The following EBF1 variants were observed in gnomAD, a reference collection of about 807,000 sequenced individuals.
EBF1 encodes transcription factor COE1.
Under a neutral mutation model 68.4 loss-of-function variants are expected in EBF1, and 10 were observed. That is an observed-to-expected ratio of 0.15 (90% CI 0.09 to 0.25). EBF1 has a LOEUF of 0.25. EBF1 is among the 10% of genes least tolerant of loss of function. The probability of loss-of-function intolerance (pLI) is 1.00; values close to 1 mark genes in which losing one functional copy is unlikely to be tolerated. For missense variants in EBF1, 509 were observed against 794.4 expected (o/e 0.64, Z 4.32); for synonymous variants, 298 against 299.8 (o/e 0.99, Z 0.06).
At chr5:158,761,611 T>A (rs974301559) in intron 10 of EBF1, among the ~76,000 whole-genome samples, 3 of 152,210 alleles carry the variant, frequency 2.0e-5, no homozygotes, top group African/African-American at 7.2e-5. Context: ...TCATTTCTTT[T>A]TAATGCTACC....
chr5:158,777,991 ATGAAGTACCCC>A (rs962123067), intron 9 of EBF1, among the ~76,000 whole-genome samples: 1 of 152,186 alleles, frequency 6.6e-6, no homozygotes, highest in African/African-American at 2.4e-5. Flanking sequence ...GAGTGCACGT[ATGAAGTACCCC>A]TGAAGACCAT....
intron 6 of EBF1, among the ~76,000 whole-genome samples, chr5:158,927,515 T>G (rs1473344071): frequency 6.6e-6 from 1 of 152,218 alleles, no homozygotes; most frequent in East Asian, 1.9e-4. Flanking sequence ...ATTTTCCAAG[T>G]TAGCACCATT....
intron 6 of EBF1, among the ~76,000 whole-genome samples, chr5:158,936,329 C>T (rs2127455074): frequency 6.6e-6 from 1 of 152,292 alleles, no homozygotes; most frequent in South Asian, 2.1e-4. Context: ...CAAAGGGTCT[C>T]AGTTCAAACT....
chr5:158,928,863 T>C (rs768853979), intron 6 of EBF1, among the ~76,000 whole-genome samples: 1 of 152,268 alleles, frequency 6.6e-6, no homozygotes, highest in Non-Finnish European at 1.5e-5. Flanking sequence ...ACTCTGCTTA[T>C]GCTCTGCTGA....
intron 6 of EBF1, among the ~76,000 whole-genome samples, chr5:158,851,072 A>T (rs1398833104): frequency 2.0e-5 from 3 of 151,910 alleles, no homozygotes; most frequent in Non-Finnish European, 2.9e-5. Flanking sequence ...ATCCCAGCAC[A>T]AGCTGCAGGG....
intron 6 of EBF1, among the ~76,000 whole-genome samples, chr5:158,992,641 T>A (rs1760568598): frequency 6.6e-6 from 1 of 152,252 alleles, no homozygotes; most frequent in Non-Finnish European, 1.5e-5. Flanking sequence ...TTTATGCTGA[T>A]GCTGAGAAAA....
chr5:158,922,587 A>G (rs940915582), intron 6 of EBF1, among the ~76,000 whole-genome samples: 13 of 152,232 alleles, frequency 8.5e-5, no homozygotes, highest in African/African-American at 3.1e-4. Context: ...AGCCAATTAA[A>G]TTACACACAG....
intron 6 of EBF1, among the ~76,000 whole-genome samples, chr5:159,071,166 T>C (rs909937532): frequency 4.6e-5 from 7 of 152,122 alleles, no homozygotes; most frequent in Non-Finnish European, 8.8e-5. Flanking sequence ...CAAATAAAAA[T>C]AGCTAAATGG....
chr5:158,967,485 C>T (rs1299852430), intron 6 of EBF1, among the ~76,000 whole-genome samples: 1 of 152,156 alleles, frequency 6.6e-6, no homozygotes, highest in South Asian at 2.1e-4. Context: ...CCTTTCAATG[C>T]TTTCCCTATC....
At chr5:158,945,747 G>A (rs1381962626) in intron 6 of EBF1, among the ~76,000 whole-genome samples, 2 of 152,156 alleles carry the variant, frequency 1.3e-5, no homozygotes, top group African/African-American at 4.8e-5. Context: ...AGTTCTCCTG[G>A]ATGATATCCT....
chr5:159,096,342 C>A lies in EBF1; in HGVS notation c.355+1G>T. ...GGCCATAGACCCGACCCGGGCCTCA[C>A]CATTGCTGTAGAGAAGCTGAAGCCG... On this transcript the variant is annotated splice_donor_variant, in intron 3 of 15. Transcript: ENST00000313708. LOFTEE classifies it high-confidence loss of function. The A allele has an allele frequency of 6.2e-7, 1 of 1,613,196 alleles. No individual in the cohort carries two copies. Among genetic ancestry groups the A allele is most frequent in the Non-Finnish European group, 8.5e-7 (1 of 1,179,666 alleles).
At chr5:158,926,021 T>C (rs1809621299) in intron 6 of EBF1, among the ~76,000 whole-genome samples, 1 of 152,170 alleles carries the variant, frequency 6.6e-6, no homozygotes, top group Admixed American at 6.5e-5. Flanking sequence ...AGCTTCAAAG[T>C]TGGAGGTTTA....
rs964246771 is a variant in EBF1, at chr5:159,030,682, G to A, written c.554+42714C>T. On this transcript the variant is annotated intron_variant, in intron 6 of 15. Coordinates refer to ENST00000313708, the MANE Select transcript of EBF1 (RefSeq NM_024007.5). ...TGTCTGGGAAAGAGAAAGAAGTCTG[G>A]GTCGCAGAAGCATGGACACTCCTGA... Among the ~76,000 whole-genome samples, 4 of 152,150 alleles carry A rather than the reference G, an allele frequency of 2.6e-5. No homozygotes were observed. The East Asian group carries it at 7.7e-4, about 29-fold the overall frequency.
chr5:158,998,050 G>A (rs1211580495), intron 6 of EBF1, among the ~76,000 whole-genome samples: 1 of 152,028 alleles, frequency 6.6e-6, no homozygotes, highest in Non-Finnish European at 1.5e-5. Context: ...CCTCCTCTAG[G>A]AAATCTTCCA....
At chr5:158,826,277 C>T (rs1786089926) in intron 7 of EBF1, among the ~76,000 whole-genome samples, 1 of 152,184 alleles carries the variant, frequency 6.6e-6, no homozygotes, top group Non-Finnish European at 1.5e-5. Flanking sequence ...GTTATAATTA[C>T]ACCTTTACTT....
chr5:158,991,308 A>G (rs1760279237), intron 6 of EBF1, among the ~76,000 whole-genome samples: 1 of 152,078 alleles, frequency 6.6e-6, no homozygotes, highest in South Asian at 2.1e-4. Flanking sequence ...TGAATTTCAG[A>G]CTGCAATATT....
At chr5:158,768,437 A>G (rs1773210987) in intron 10 of EBF1, among the ~76,000 whole-genome samples, 2 of 152,188 alleles carry the variant, frequency 1.3e-5, no homozygotes, top group South Asian at 4.1e-4. Flanking sequence ...CATAGGAAAA[A>G]TACTGCAAAA....
At chr5:158,902,419 CT>C (rs11366010) in intron 6 of EBF1, among the ~76,000 whole-genome samples, 109,912 of 142,748 alleles carry the variant, frequency 0.77, 42,762 homozygotes, top group South Asian at 0.87. Flanking sequence ...GCTTCTTTTT[CT>C]TTTTTTTTTT....
At chr5:158,995,657 C>T (rs912760406) in intron 6 of EBF1, among the ~76,000 whole-genome samples, 1 of 152,164 alleles carries the variant, frequency 6.6e-6, no homozygotes, top group African/African-American at 2.4e-5. Flanking sequence ...ATATGCCTTA[C>T]CCTCTCCGAC....
Sources: gnomAD v4.1 joint callset for allele counts (sites outside exome capture counted in the v4.1 genomes callset) on GRCh38, gnomAD v4.1.1 for gene constraint, MANE v1.5 for transcripts, NCBI Gene and HGNC (gene_info 2026-07-23, HGNC 2026-07-21) for gene names.